The following PIWIL4 variants were observed in gnomAD, a reference collection of about 807,000 sequenced individuals.
PIWIL4 encodes piwi-like protein 4.
Under a neutral mutation model 100.9 loss-of-function variants are expected in PIWIL4, and 50 were observed. That is an observed-to-expected ratio of 0.50 (90% CI 0.39 to 0.63). PIWIL4 has a LOEUF of 0.63. Among genes scored for constraint, PIWIL4 ranks in the 20% least tolerant of loss-of-function variants. The pLI, the probability that PIWIL4 is intolerant of heterozygous loss-of-function variation, is 0.00. For synonymous variants in PIWIL4, 342 were observed against 367.5 expected, an observed-to-expected ratio of 0.93 and a Z score of 0.79; for missense variants, 887 against 1,043.3, an observed-to-expected ratio of 0.85 and a Z score of 2.06.
intron 4 of PIWIL4, among the ~76,000 whole-genome samples, chr11:94,583,044 A>ATGTGTGTGTGTGTGTG (rs58072951): frequency 7.2e-4 from 97 of 133,888 alleles, no homozygotes; most frequent in African/African-American, 2.6e-3. Flanking sequence ...ATATATATAT[A>ATGTGTGTGTGTGTGTG]TGTGTGTGTG....
chr11:94,614,622 T>C (rs1446866741), intron 15 of PIWIL4, among the ~76,000 whole-genome samples: 1 of 152,202 alleles, frequency 6.6e-6, no homozygotes, highest in Non-Finnish European at 1.5e-5. Flanking sequence ...TCCTGATTTT[T>C]CATGTTTCTT....
At chr11:94,612,651 A>G (rs1166114252) in intron 15 of PIWIL4, among the ~76,000 whole-genome samples, 1 of 151,820 alleles carries the variant, frequency 6.6e-6, no homozygotes, top group African/African-American at 2.4e-5. Context: ...TTGTGATTTG[A>G]TGATTTTCTG....
At chr11:94,589,847 A>T (rs1227143734) in intron 8 of PIWIL4, among the ~76,000 whole-genome samples, 1 of 152,056 alleles carries the variant, frequency 6.6e-6, no homozygotes, top group Non-Finnish European at 1.5e-5. Flanking sequence ...GCCCCATCCT[A>T]GACATTGAGC....
intron 2 of PIWIL4, among the ~76,000 whole-genome samples, chr11:94,573,627 C>T (rs1948191893): frequency 6.6e-6 from 1 of 152,134 alleles, no homozygotes; most frequent in Non-Finnish European, 1.5e-5. Context: ...CCTTGCATCC[C>T]AGGAATGAAG....
chr11:94,615,484 T>A (rs1948835508), intron 15 of PIWIL4, among the ~76,000 whole-genome samples: 1 of 152,192 alleles, frequency 6.6e-6, no homozygotes, highest in Admixed American at 6.5e-5. Context: ...CCATGGGTAA[T>A]TGTCAAAATT....
At chr11:94,588,125 T>C (rs1337642311) in intron 7 of PIWIL4, among the ~76,000 whole-genome samples, 6 of 151,376 alleles carry the variant, frequency 4.0e-5, no homozygotes, top group African/African-American at 1.5e-4. Flanking sequence ...CCCTATCACC[T>C]GAGAGGCCCC....
rs1486832216 is a variant in PIWIL4 at position 94,603,988 on chromosome 11, A to G, written c.1570A>G (p.Lys524Glu). ...AAAATTAATCTTTTTATGTAGCATA[A>G]AAGTACAAGAAAATCCAGCTGCATT... ...GFNVDYPKIIKVQENPAAFVR... is the reference protein window; with the variant it reads ...GFNVDYPKIIEVQENPAAFVR... Residue 524 changes from lysine (K) to glutamate (E), a missense_variant, in exon 13 of 20, where the codon AAA becomes GAA. Coordinates refer to ENST00000299001, the MANE Select transcript of PIWIL4 (RefSeq NM_152431.3). 3 of 1,598,932 alleles carry G rather than the reference A, an allele frequency of 1.9e-6. No individual in the cohort carries two copies. The highest frequency in any genetic ancestry group is 1.7e-5 in the Admixed American group (1 of 59,470).
At chr11:94,601,283 G>C (rs1465954010) in intron 11 of PIWIL4, among the ~76,000 whole-genome samples, 4 of 152,090 alleles carry the variant, frequency 2.6e-5, no homozygotes, top group South Asian at 2.1e-4. Flanking sequence ...ATGTTCTTCT[G>C]CCATGGCTTC....
chr11:94,568,706 CA>C (rs1948108560), intron 1 of PIWIL4, 23 bp from the exon 2 acceptor site: 1 of 1,547,302 alleles, frequency 6.5e-7, no homozygotes. Flanking sequence ...TAAATCTGAA[CA>C]AAACTTTTTT....
chr11:94,569,532 C>G (rs1301881504), intron 2 of PIWIL4, among the ~76,000 whole-genome samples: 2 of 152,168 alleles, frequency 1.3e-5, no homozygotes, highest in Admixed American at 6.5e-5. Context: ...GCATGTGCCA[C>G]CACGCCCAGC....
At chr11:94,569,389 T>G (rs1299949842) in intron 2 of PIWIL4, among the ~76,000 whole-genome samples, 1 of 152,130 alleles carries the variant, frequency 6.6e-6, no homozygotes, top group African/African-American at 2.4e-5. Flanking sequence ...TTTGTTTGTT[T>G]GTTTTTGAGA....
At chr11:94,570,784 T>G (rs1051605937) in intron 2 of PIWIL4, among the ~76,000 whole-genome samples, 34 of 152,004 alleles carry the variant, frequency 2.2e-4, no homozygotes, top group African/African-American at 7.3e-4. Context: ...CCCAGCTGCT[T>G]GGGAGGCTGA....
At chr11:94,588,157 C>G (rs1266615121) in intron 7 of PIWIL4, among the ~76,000 whole-genome samples, 1 of 151,866 alleles carries the variant, frequency 6.6e-6, no homozygotes, top group Non-Finnish European at 1.5e-5. Flanking sequence ...TTCCCCTCCT[C>G]GTGTCCATGT....
chr11:94,592,733 G>A (rs1948503953), intron 8 of PIWIL4, among the ~76,000 whole-genome samples: 1 of 152,168 alleles, frequency 6.6e-6, no homozygotes. Context: ...GGAAATGAGT[G>A]TTCATTGTAA....
intron 6 of PIWIL4, among the ~76,000 whole-genome samples, 189 bp from the exon 7 acceptor site, chr11:94,586,861 A>T (rs1423269147): frequency 6.6e-6 from 1 of 152,198 alleles, no homozygotes; most frequent in Non-Finnish European, 1.5e-5. Context: ...TTTTATCCTA[A>T]ATGTATGCTT....
chr11:94,593,950 G>A (rs73525678), intron 9 of PIWIL4, among the ~76,000 whole-genome samples: 3,644 of 152,232 alleles, frequency 0.024, 137 homozygotes, highest in African/African-American at 0.08. Context: ...TTCTTCAGGT[G>A]TATCAGTAGA....
At chr11:94,608,405 T>G in intron 14 of PIWIL4, 178 bp from the exon 15 acceptor site, 1 of 572,450 alleles carries the variant, frequency 1.7e-6, no homozygotes, top group Non-Finnish European at 3.1e-6. Flanking sequence ...CCTGCCTTCT[T>G]TAAGTCTCTC....
intron 8 of PIWIL4, among the ~76,000 whole-genome samples, chr11:94,591,586 T>C (rs924740325): frequency 6.6e-6 from 1 of 152,254 alleles, no homozygotes; most frequent in African/African-American, 2.4e-5. Flanking sequence ...CTTTCTTGCA[T>C]GATTAAATTT....
chr11:94,616,364 CATA>C (rs1948846283), intron 15 of PIWIL4, 126 bp from the exon 16 acceptor site: 1 of 765,682 alleles, frequency 1.3e-6, no homozygotes, highest in African/African-American at 1.8e-5. Context: ...ATTGTGAACA[CATA>C]ACACATACAA....
Sources: allele counts gnomAD v4.1 joint callset (sites outside exome capture counted in the v4.1 genomes callset), GRCh38; gene constraint gnomAD v4.1.1; transcripts MANE v1.5; gene names NCBI Gene and HGNC (gene_info 2026-07-23, HGNC 2026-07-21).